KIAA1958: variants seen among roughly 807,000 people sequenced by gnomAD.
KIAA1958 encodes uncharacterized protein KIAA1958.
Under a neutral mutation model 47.2 loss-of-function variants are expected in KIAA1958, and 14 were observed. The ratio of observed to expected loss-of-function variants is 0.30; its 90% CI spans 0.20 to 0.46. The LOEUF is 0.46. Among genes scored for constraint, KIAA1958 ranks in the 20% least tolerant of loss-of-function variants. The pLI, the probability that KIAA1958 is intolerant of heterozygous loss-of-function variation, is 1.00. For missense variants in KIAA1958, 803 were observed against 909.2 expected (o/e 0.88, Z 1.50); for synonymous variants, 354 against 353.3 (o/e 1.00, Z -0.02).
At chr9:112,637,377 A>G (rs1306130128) in intron 2 of KIAA1958, among the ~76,000 whole-genome samples, 1 of 151,646 alleles carries the variant, frequency 6.6e-6, no homozygotes, top group Non-Finnish European at 1.5e-5. Flanking sequence ...TTTTACCTTT[A>G]TTTTTATTTT....
Position 112,495,613 on chromosome 9 carries a change from G to A in KIAA1958, c.-25+8495G>A, listed in dbSNP as rs187916279. Among the ~76,000 whole-genome samples the A allele has an allele frequency of 2.0e-5, 3 of 152,314 alleles. No individual in the cohort carries two copies. In the East Asian group the frequency reaches 5.8e-4, roughly 29 times the overall value. ...GTAAAGTGGTACAGCAATTTGGAAA[G>A]CTGTATGGCCATATCTACTAAAACT... On this transcript the variant is annotated intron_variant, in intron 1 of 3. Transcript: ENST00000337530.
chr9:112,557,727 C>T (rs75457763), intron 1 of KIAA1958, among the ~76,000 whole-genome samples: 2,811 of 152,176 alleles, frequency 0.018, 46 homozygotes, highest in Non-Finnish European at 0.027. Flanking sequence ...GGTAGGTCAA[C>T]GCTGAGAAAT....
At chr9:112,586,634 A>T (rs536052398) in intron 2 of KIAA1958, among the ~76,000 whole-genome samples, 15 of 152,340 alleles carry the variant, frequency 9.8e-5, no homozygotes, top group Admixed American at 4.6e-4. Flanking sequence ...TATATTATTT[A>T]GATGTATTTA....
intron 2 of KIAA1958, among the ~76,000 whole-genome samples, chr9:112,617,586 ATC>A (rs762681655): frequency 2.0e-5 from 3 of 152,128 alleles, no homozygotes; most frequent in African/African-American, 4.8e-5. Context: ...GCTGTCTCTA[ATC>A]TCTCTCTTTC....
intron 1 of KIAA1958, among the ~76,000 whole-genome samples, chr9:112,498,343 T>A (rs572510103): frequency 7.2e-5 from 11 of 152,276 alleles, no homozygotes; most frequent in Non-Finnish European, 1.6e-4. Context: ...AGCATCTGGA[T>A]GAACCCAAGC....
intron 1 of KIAA1958, among the ~76,000 whole-genome samples, chr9:112,527,388 C>T (rs1034696985): frequency 1.3e-5 from 2 of 151,994 alleles, no homozygotes; most frequent in African/African-American, 4.8e-5. Flanking sequence ...CAGGAAGGAG[C>T]TTGATATTTT....
At chr9:112,524,352 G>T (rs897990030) in intron 1 of KIAA1958, among the ~76,000 whole-genome samples, 2 of 152,244 alleles carry the variant, frequency 1.3e-5, no homozygotes, top group African/African-American at 2.4e-5. Flanking sequence ...TGGCTTTGGC[G>T]TGCTCCGCGC....
intron 1 of KIAA1958, among the ~76,000 whole-genome samples, chr9:112,558,657 C>T (rs1387561936): frequency 6.6e-6 from 1 of 152,174 alleles, no homozygotes; most frequent in Non-Finnish European, 1.5e-5. Context: ...AGGTTACTCA[C>T]ATTCCCAACA....
intron 1 of KIAA1958, among the ~76,000 whole-genome samples, chr9:112,571,855 TAA>T (rs561993128): frequency 1.4e-5 from 2 of 144,160 alleles, no homozygotes; most frequent in Non-Finnish European, 1.5e-5. Context: ...AGAAATAAAA[TAA>T]AAAAAGTTCA....
rs1837220459 is a variant in KIAA1958 at position 112,659,477 on chromosome 9, C to T, written c.1559C>T (p.Ala520Val). 6 of 1,613,868 alleles carry T rather than the reference C, an allele frequency of 3.7e-6. No individual in the cohort carries two copies. Among genetic ancestry groups the T allele is most frequent in the Non-Finnish European group, 5.1e-6 (6 of 1,179,886 alleles). Residue 520 changes from alanine (A) to valine (V), a missense_variant, in exon 4 of 4, where the codon GCA becomes GTA. Physicochemically the swap from Ala to Val is moderately conservative, Grantham distance 64. Coordinates refer to ENST00000337530, the MANE Select transcript of KIAA1958 (RefSeq NM_133465.4). Reference protein sequence around the residue: ...LKEKLWVLSKAGMSGARSRNI... With the variant: ...LKEKLWVLSKVGMSGARSRNI... ...GAGAAGCTGTGGGTGCTGAGTAAGG[C>T]AGGCATGTCGGGCGCGCGTTCTCGC...
intron 1 of KIAA1958, among the ~76,000 whole-genome samples, chr9:112,498,472 G>C (rs563654508): frequency 6.6e-5 from 10 of 152,140 alleles, no homozygotes; most frequent in Non-Finnish European, 1.5e-4. Flanking sequence ...TTCAAGGAAG[G>C]ATCAATCAAC....
At chr9:112,551,039 T>G (rs966031141) in intron 1 of KIAA1958, among the ~76,000 whole-genome samples, 47 of 151,210 alleles carry the variant, frequency 3.1e-4, no homozygotes, top group Admixed American at 2.5e-3. Context: ...CATAGTTGTT[T>G]TTTTTTTTTT....
At chr9:112,644,219 A>G (rs1252741789) in intron 2 of KIAA1958, among the ~76,000 whole-genome samples, 1 of 152,034 alleles carries the variant, frequency 6.6e-6, no homozygotes, top group African/African-American at 2.4e-5. Flanking sequence ...CAACCATGTG[A>G]AGATTGCTCA....
chr9:112,633,288 A>G (rs1165669680), intron 2 of KIAA1958, among the ~76,000 whole-genome samples: 2 of 151,898 alleles, frequency 1.3e-5, no homozygotes, highest in Non-Finnish European at 1.5e-5. Flanking sequence ...CTTAAACTTC[A>G]GAAACACCCT....
At chr9:112,615,541 A>G (rs1836395401) in intron 2 of KIAA1958, among the ~76,000 whole-genome samples, 1 of 152,198 alleles carries the variant, frequency 6.6e-6, no homozygotes, top group Admixed American at 6.5e-5. Flanking sequence ...AATTAATAAA[A>G]TTTTAAGCTG....
chr9:112,492,547 A>G (rs751057264), intron 1 of KIAA1958, among the ~76,000 whole-genome samples: 4 of 152,064 alleles, frequency 2.6e-5, no homozygotes, highest in African/African-American at 9.7e-5. Context: ...ATACCTACCT[A>G]CCTACATATG....
intron 2 of KIAA1958, among the ~76,000 whole-genome samples, chr9:112,628,359 C>G (rs953311071): frequency 6.6e-6 from 1 of 152,182 alleles, no homozygotes; most frequent in African/African-American, 2.4e-5. Flanking sequence ...GTCAAGGTCC[C>G]CACCACCTCT....
intron 2 of KIAA1958, among the ~76,000 whole-genome samples, chr9:112,586,935 A>ATT (rs1835836903): frequency 6.6e-6 from 1 of 152,064 alleles, no homozygotes; most frequent in African/African-American, 2.4e-5. Context: ...TTCAAATGTT[A>ATT]TTGCCGTGTC....
chr9:112,575,292 C>T (rs372466300), intron 2 of KIAA1958, 41 bp downstream of exon 2: 177 of 1,370,644 alleles, frequency 1.3e-4, no homozygotes, highest in Middle Eastern at 3.8e-4. Context: ...CATCCACGCA[C>T]GCCAGAATTC....
Sources: gnomAD v4.1 joint callset for allele counts (sites outside exome capture counted in the v4.1 genomes callset) on GRCh38, gnomAD v4.1.1 for gene constraint, MANE v1.5 for transcripts, NCBI Gene and HGNC (gene_info 2026-07-23, HGNC 2026-07-21) for gene names.